Variants in CADM2 observed in about 807,000 individuals in gnomAD.
CADM2 encodes cell adhesion molecule 2, also known as immunoglobulin superfamily member 4D.
A neutral mutation model predicts 49.8 loss-of-function variants in CADM2; 12 were observed. That is an observed-to-expected ratio of 0.24 (90% CI 0.15 to 0.39). The LOEUF (loss-of-function observed/expected upper bound fraction) is 0.39, where lower values mean the gene tolerates loss of function less well. CADM2 is among the 10% of genes least tolerant of loss of function. The pLI, the probability that CADM2 is intolerant of heterozygous loss-of-function variation, is 1.00. For synonymous variants in CADM2, 214 were observed against 175.4 expected, an observed-to-expected ratio of 1.22 and a Z score of -1.74; for missense variants, 378 against 492.3, an observed-to-expected ratio of 0.77 and a Z score of 2.20.
intron 1 of CADM2, among the ~76,000 whole-genome samples, chr3:85,142,271 G>C (rs1452626960): frequency 1.3e-5 from 2 of 152,162 alleles, no homozygotes; most frequent in Non-Finnish European, 2.9e-5. Flanking sequence ...GGTCTTAGCT[G>C]CCTAACCACC....
intron 1 of CADM2, among the ~76,000 whole-genome samples, chr3:85,290,475 C>A (rs968093311): frequency 1.3e-5 from 2 of 152,348 alleles, no homozygotes; most frequent in African/African-American, 4.8e-5. Context: ...TAGGCTCCAT[C>A]TCTGGGGGCA....
At chr3:85,373,433 C>G (rs2033393837) in intron 1 of CADM2, among the ~76,000 whole-genome samples, 1 of 152,092 alleles carries the variant, frequency 6.6e-6, no homozygotes, top group South Asian at 2.1e-4. Context: ...GGTATAGTTC[C>G]CCTCCTGGCT....
At chr3:85,151,674 C>G (rs2039927157) in intron 1 of CADM2, among the ~76,000 whole-genome samples, 1 of 152,096 alleles carries the variant, frequency 6.6e-6, no homozygotes, top group Non-Finnish European at 1.5e-5. Context: ...GGTGTTATAA[C>G]AAAATATCAT....
chr3:85,807,579 T>C (rs1246430608), intron 3 of CADM2, among the ~76,000 whole-genome samples: 1 of 151,766 alleles, frequency 6.6e-6, no homozygotes, highest in African/African-American at 2.4e-5. Context: ...TCCATGATGA[T>C]GGGAATATTC....
At chr3:85,586,169 A>G (rs1323870163) in intron 1 of CADM2, among the ~76,000 whole-genome samples, 3 of 152,168 alleles carry the variant, frequency 2.0e-5, no homozygotes, top group Non-Finnish European at 4.4e-5. Context: ...TTTAAAATGT[A>G]CCACAACAGT....
chr3:85,807,700 T>A (rs1169084561), intron 3 of CADM2, among the ~76,000 whole-genome samples: 1 of 152,212 alleles, frequency 6.6e-6, no homozygotes, highest in East Asian at 1.9e-4. Context: ...CTAGACATAT[T>A]TCAAGTACTC....
chr3:85,928,763 G>A (rs1720229099), intron 6 of CADM2, among the ~76,000 whole-genome samples: 1 of 151,886 alleles, frequency 6.6e-6, no homozygotes, highest in African/African-American at 2.4e-5. Flanking sequence ...CAAAACTTCA[G>A]TTTTTTTGCA....
chr3:85,833,831 T>C (rs1210801331), intron 3 of CADM2, among the ~76,000 whole-genome samples: 4 of 151,678 alleles, frequency 2.6e-5, no homozygotes, highest in Non-Finnish European at 5.9e-5. Context: ...TTTCTCAAAA[T>C]TTTTTGGCTC....
At chr3:85,663,669 T>G (rs1419331829) in intron 1 of CADM2, among the ~76,000 whole-genome samples, 1 of 152,030 alleles carries the variant, frequency 6.6e-6, no homozygotes, top group African/African-American at 2.4e-5. Context: ...TGGCTCCTTC[T>G]TTTTCCTCCA....
intron 1 of CADM2, among the ~76,000 whole-genome samples, chr3:85,606,654 T>C (rs1238028218): frequency 1.3e-5 from 2 of 152,124 alleles, no homozygotes; most frequent in Non-Finnish European, 1.5e-5. Context: ...GGGTGATCAA[T>C]GAAGACTTCA....
intron 1 of CADM2, among the ~76,000 whole-genome samples, chr3:85,561,040 G>A (rs2062081984): frequency 6.6e-6 from 1 of 152,036 alleles, no homozygotes; most frequent in Non-Finnish European, 1.5e-5. Flanking sequence ...TATTGTCTAG[G>A]ATAGTAGCTG....
intron 8 of CADM2, among the ~76,000 whole-genome samples, chr3:86,060,660 G>A (rs1254903820): frequency 1.3e-5 from 2 of 152,020 alleles, no homozygotes; most frequent in African/African-American, 2.4e-5. Flanking sequence ...CATGATAACA[G>A]ACTAATACAG....
At chr3:85,199,472 AAT>A (rs1009118907) in intron 1 of CADM2, among the ~76,000 whole-genome samples, 164 of 149,928 alleles carry the variant, frequency 1.1e-3, no homozygotes, top group African/African-American at 3.7e-3. Flanking sequence ...GTAATTTCAA[AAT>A]TTTTTTTTTT....
intron 8 of CADM2, among the ~76,000 whole-genome samples, chr3:86,032,167 C>T (rs1414830312): frequency 6.6e-6 from 1 of 151,692 alleles, no homozygotes; most frequent in Non-Finnish European, 1.5e-5. Context: ...ACTCTTATCA[C>T]AGTATGGTTT....
intron 7 of CADM2, among the ~76,000 whole-genome samples, chr3:85,936,126 A>G (rs1461012372): frequency 6.6e-6 from 1 of 151,860 alleles, no homozygotes; most frequent in Non-Finnish European, 1.5e-5. Flanking sequence ...TGAATGGAGT[A>G]TATCAGTCAC....
intron 8 of CADM2, among the ~76,000 whole-genome samples, chr3:86,041,035 A>G (rs1330679776): frequency 4.6e-5 from 7 of 152,170 alleles, no homozygotes; most frequent in African/African-American, 1.7e-4. Context: ...AAATGCTGAG[A>G]GATTTTGTCA....
chr3:85,352,984 A>T (rs928666550), intron 1 of CADM2, among the ~76,000 whole-genome samples: 7 of 152,112 alleles, frequency 4.6e-5, no homozygotes, highest in African/African-American at 1.7e-4. Flanking sequence ...TCAGCTTACA[A>T]TGAATATTTT....
At chr3:85,223,038 A>C (rs2042075917) in intron 1 of CADM2, among the ~76,000 whole-genome samples, 1 of 152,084 alleles carries the variant, frequency 6.6e-6, no homozygotes, top group Non-Finnish European at 1.5e-5. Context: ...AGTAACTGTT[A>C]GGGGGCCAGT....
chr3:85,950,614 T>C (rs190913457), intron 7 of CADM2, among the ~76,000 whole-genome samples: 5 of 151,324 alleles, frequency 3.3e-5, no homozygotes, highest in Non-Finnish European at 7.4e-5. Context: ...CTTACCTCTT[T>C]CTTGCATAGG....
Sources: gnomAD v4.1 joint callset for allele counts (sites outside exome capture counted in the v4.1 genomes callset) on GRCh38, gnomAD v4.1.1 for gene constraint, MANE v1.5 for transcripts, NCBI Gene and HGNC (gene_info 2026-07-23, HGNC 2026-07-21) for gene names.